Variants in DYSF observed in about 807,000 individuals in gnomAD.
The protein encoded by DYSF is dystrophy-associated fer-1-like 1.
A neutral mutation model predicts 274.9 loss-of-function variants in DYSF; 212 were observed. The ratio of observed to expected loss-of-function variants is 0.77; its 90% CI spans 0.69 to 0.86. The LOEUF is 0.86. Ranked by LOEUF, DYSF falls within the 40% of genes least tolerant of loss-of-function variation. The pLI, the probability that DYSF is intolerant of heterozygous loss-of-function variation, is 0.00. For missense variants in DYSF, 2,666 were observed against 2,783.2 expected, an observed-to-expected ratio of 0.96 and a Z score of 0.95; for synonymous variants, 1,091 against 1,078.7, an observed-to-expected ratio of 1.01 and a Z score of -0.22.
chr2:71,488,921 C>T (rs1213942972), intron 3 of DYSF, among the ~76,000 whole-genome samples: 2 of 152,108 alleles, frequency 1.3e-5, no homozygotes, highest in East Asian at 1.9e-4. Flanking sequence ...CAGGAGACAA[C>T]CTGAGAACTT....
At chr2:71,494,475 A>G (rs115491642) in intron 3 of DYSF, among the ~76,000 whole-genome samples, 7,890 of 152,248 alleles carry the variant, frequency 0.052, 246 homozygotes, top group African/African-American at 0.11. Flanking sequence ...TCTCAAGAAG[A>G]TGTCCCCCTA....
At chr2:71,588,101 G>T (rs2093132795) in intron 30 of DYSF, among the ~76,000 whole-genome samples, 1 of 152,208 alleles carries the variant, frequency 6.6e-6, no homozygotes, top group Admixed American at 6.5e-5. Flanking sequence ...GCATAAGCTT[G>T]CTATGGGAGT....
intron 14 of DYSF, among the ~76,000 whole-genome samples, chr2:71,531,549 A>G (rs776601010): frequency 2.6e-5 from 4 of 151,720 alleles, no homozygotes; most frequent in Admixed American, 2.0e-4. Context: ...GAGTTGAAAC[A>G]GGGAGGCAGA....
intron 41 of DYSF, among the ~76,000 whole-genome samples, chr2:71,635,748 C>CAAAAAAAAAAAAA (rs753590151): frequency 2.9e-5 from 2 of 69,710 alleles, no homozygotes; most frequent in African/African-American, 1.1e-4. Flanking sequence ...GACTCTGTCT[C>CAAAAAAAAAAAAA]AAAAAAAAAA....
Position 71,570,602 on chromosome 2 carries a change from G to T in DYSF, c.3089G>T (p.Trp1030Leu). 6.2e-7 allele frequency: 1 copy of T among 1,613,766 alleles called. No individual in the cohort carries two copies. Among genetic ancestry groups the T allele is most frequent in the Non-Finnish European group, 8.5e-7 (1 of 1,179,888 alleles). ...DLNRAVDEQG[W>L]EYSITIPPER... ...TGACCGGTTCCCCCTCCCCCAGGCT[G>T]GGAGTATAGCATCACCATCCCCCCG... is the stretch of plus-strand genomic sequence containing the variant. Residue 1030 changes from tryptophan (W) to leucine (L), a missense_variant, in exon 29 of 56, where the codon TGG (tryptophan) becomes TTG (leucine). This residue lies in a region of DYSF where 1,460 missense variants were observed against 1,502.1 expected (regional missense o/e 0.97). Transcript: ENST00000410020.
intron 17 of DYSF, among the ~76,000 whole-genome samples, chr2:71,547,869 G>A (rs1050999329): frequency 6.6e-6 from 1 of 152,214 alleles, no homozygotes; most frequent in African/African-American, 2.4e-5. Context: ...TCTGTAAGAA[G>A]CACATGGGGG....
At chr2:71,595,876 AC>A (rs2093392668) in intron 32 of DYSF, among the ~76,000 whole-genome samples, 1 of 151,342 alleles carries the variant, frequency 6.6e-6, no homozygotes, top group Admixed American at 6.6e-5. Context: ...CTTCCCCTCC[AC>A]CGCTTTTTGG....
In DYSF at chr2:71,565,442, C is replaced by T. The variant is rs115590386; in HGVS notation, c.2565+1229C>T. ...TAGCTCTACTAGCATTCAAGGACTC[C>T]TCAGCCTAAGGCACCAGACTTTCAT... On this transcript the variant is annotated intron_variant, in intron 24 of 55. Transcript: ENST00000410020. Among the ~76,000 whole-genome samples the T allele has an allele frequency of 8.3e-3, 1,260 of 152,180 alleles. 14 individuals are homozygous for T. The highest frequency in any genetic ancestry group is 0.029 in the African/African-American group (1,199 of 41,518).
At chr2:71,675,354 C>T (rs1013854290) in intron 52 of DYSF, among the ~76,000 whole-genome samples, 7 of 152,186 alleles carry the variant, frequency 4.6e-5, no homozygotes, top group South Asian at 4.1e-4. Context: ...CTTGTGAAAA[C>T]GGCAACCCAG....
chr2:71,658,829 A>T, intron 43 of DYSF, 49 bp from the exon 44 acceptor site: 1 of 1,610,492 alleles, frequency 6.2e-7, no homozygotes, highest in Non-Finnish European at 8.5e-7. Flanking sequence ...CAGCCAAACC[A>T]TATCAACAAT....
At chr2:71,574,403 T>G (rs1574099090) in intron 30 of DYSF, 32 bp downstream of exon 30, 1 of 1,609,850 alleles carries the variant, frequency 6.2e-7, no homozygotes, top group Non-Finnish European at 8.5e-7. Context: ...CTGGCTTGGG[T>G]AGGGTATATC....
At chr2:71,545,415 C>T (rs1437140640) in intron 17 of DYSF, among the ~76,000 whole-genome samples, 2 of 152,164 alleles carry the variant, frequency 1.3e-5, no homozygotes, top group South Asian at 2.1e-4. Context: ...GAAGGCACTG[C>T]GAACTTCCTC....
intron 22 of DYSF, among the ~76,000 whole-genome samples, chr2:71,558,289 G>T (rs886801601): frequency 3.9e-5 from 6 of 152,116 alleles, no homozygotes; most frequent in Non-Finnish European, 7.4e-5. Flanking sequence ...AGCCAGTTGA[G>T]GGGGAGGTGA....
chr2:71,653,701 C>A (rs1380247902), intron 42 of DYSF, among the ~76,000 whole-genome samples: 1 of 151,236 alleles, frequency 6.6e-6, no homozygotes, highest in Admixed American at 6.6e-5. Context: ...AGGAGATACA[C>A]CTAATGTTAA....
chr2:71,513,781 G>C lies in DYSF; in HGVS notation c.619G>C (p.Asp207His), dbSNP rs770216941. 82 of 1,614,196 alleles carry C rather than the reference G, an allele frequency of 5.1e-5. No individual in the cohort carries two copies. Among genetic ancestry groups the C allele is most frequent in the Middle Eastern group, 1.7e-4 (1 of 6,054 alleles). ...LTGDEAEPFLDQSGGPGAPTT... is the reference protein window; with the variant it reads ...LTGDEAEPFLHQSGGPGAPTT... ...TGGAGATGAGGCGGAGCCATTCCTGGATCAAAGCGGAGGCCCGGGGGCTCC... is the reference window on the plus strand; with the variant it reads ...TGGAGATGAGGCGGAGCCATTCCTGCATCAAAGCGGAGGCCCGGGGGCTCC... Residue 207 changes from aspartate (D) to histidine (H), a missense_variant, in exon 7 of 56, where the codon GAT becomes CAT. This residue lies in a region of DYSF where 794 missense variants were observed against 777.1 expected (regional missense o/e 1.02). Transcript: ENST00000410020.
At chr2:71,550,154 C>T (rs565706546) in intron 17 of DYSF, among the ~76,000 whole-genome samples, 1 of 152,350 alleles carries the variant, frequency 6.6e-6, no homozygotes, top group East Asian at 1.9e-4. Flanking sequence ...TGTCTCTGGC[C>T]CTGCTTTCTA....
intron 30 of DYSF, among the ~76,000 whole-genome samples, chr2:71,574,984 C>G (rs2092652586): frequency 6.6e-6 from 1 of 152,216 alleles, no homozygotes; most frequent in Non-Finnish European, 1.5e-5. Flanking sequence ...GGTACTGGCA[C>G]ACAGCCAGTC....
chr2:71,466,584 C>A (rs1477414197), upstream of DYSF: 2 of 1,175,606 alleles, frequency 1.7e-6, no homozygotes, highest in Admixed American at 4.3e-5. Flanking sequence ...GCCCGTCTGA[C>A]CCCTGTCCCT....
At chr2:71,621,198 C>A (rs764711402) in intron 41 of DYSF, among the ~76,000 whole-genome samples, 1 of 151,934 alleles carries the variant, frequency 6.6e-6, no homozygotes, top group South Asian at 2.1e-4. Flanking sequence ...CTTCAGCATG[C>A]GCTCCTGAAG....
Sources: allele counts gnomAD v4.1 joint callset (sites outside exome capture counted in the v4.1 genomes callset), GRCh38; gene constraint gnomAD v4.1.1; regional missense constraint gnomAD v4.1.1; transcripts MANE v1.5; gene names NCBI Gene and HGNC (gene_info 2026-07-23, HGNC 2026-07-21).